The following MLLT3 variants were observed in gnomAD, a reference collection of about 807,000 sequenced individuals.
MLLT3 encodes MLLT3 super elongation complex subunit.
In MLLT3, 4 loss-of-function variants were observed where a neutral mutation model predicts 53.2. The ratio of observed to expected loss-of-function variants is 0.08; its 90% CI spans 0.04 to 0.17. The LOEUF is 0.17. Among genes scored for constraint, MLLT3 ranks in the 10% least tolerant of loss-of-function variants. The probability of loss-of-function intolerance (pLI) is 1.00; values close to 1 mark genes in which losing one functional copy is unlikely to be tolerated. For missense variants in MLLT3, 569 were observed against 684.0 expected (o/e 0.83, Z 1.87); for synonymous variants, 283 against 230.6 (o/e 1.23, Z -2.06).
intron 2 of MLLT3, among the ~76,000 whole-genome samples, chr9:20,560,116 A>G (rs546945367): frequency 6.6e-6 from 1 of 152,296 alleles, no homozygotes; most frequent in South Asian, 2.1e-4. Flanking sequence ...TGAAGTTGAC[A>G]TAGAAATTCA....
At chr9:20,585,070 T>C (rs1033196664) in intron 2 of MLLT3, among the ~76,000 whole-genome samples, 11 of 152,176 alleles carry the variant, frequency 7.2e-5, no homozygotes, top group African/African-American at 2.7e-4. Context: ...TCTGTTCAGG[T>C]TGCCTTAACA....
chr9:20,616,250 G>C (rs1016499986), intron 2 of MLLT3, among the ~76,000 whole-genome samples: 1 of 151,982 alleles, frequency 6.6e-6, no homozygotes, highest in Non-Finnish European at 1.5e-5. Context: ...ACCATACAAG[G>C]AGTCTCTTAA....
intron 2 of MLLT3, among the ~76,000 whole-genome samples, chr9:20,492,336 G>A (rs1297930594): frequency 6.6e-6 from 1 of 151,906 alleles, no homozygotes; most frequent in Non-Finnish European, 1.5e-5. Context: ...GAATGGGCTA[G>A]AAAAAGAACT....
intron 10 of MLLT3, among the ~76,000 whole-genome samples, chr9:20,351,304 C>G (rs191889407): frequency 1.3e-5 from 2 of 152,338 alleles, no homozygotes; most frequent in East Asian, 1.9e-4. Context: ...TGGTTTCCCA[C>G]AGAGTTTTCT....
chr9:20,555,166 CT>C (rs1312076888), intron 2 of MLLT3, among the ~76,000 whole-genome samples: 1 of 152,170 alleles, frequency 6.6e-6, no homozygotes, highest in East Asian at 1.9e-4. Flanking sequence ...AGCACTCCTC[CT>C]GAAGGTCATC....
intron 2 of MLLT3, among the ~76,000 whole-genome samples, chr9:20,539,882 G>C (rs1283627259): frequency 6.6e-6 from 1 of 152,150 alleles, no homozygotes; most frequent in Non-Finnish European, 1.5e-5. Flanking sequence ...CATAAGGAAG[G>C]TCCCTTCCAT....
rs890667333 is a variant in MLLT3, at chr9:20,481,562, A to G, written c.194-24776T>C. On this transcript the variant is annotated intron_variant, in intron 2 of 10. Transcript: ENST00000380338. ...CTAGAACCAACACCTCTCAGATACA[A>G]AGAGACAACTGTGACTGAGGAACCT... Among the ~76,000 whole-genome samples, 4 of 152,226 alleles carry G rather than the reference A, an allele frequency of 2.6e-5. No homozygotes were observed. The South Asian group carries it at 8.3e-4, about 32-fold the overall frequency.
chr9:20,603,002 T>A (rs1201722369), intron 2 of MLLT3, among the ~76,000 whole-genome samples: 1 of 152,036 alleles, frequency 6.6e-6, no homozygotes, highest in Non-Finnish European at 1.5e-5. Context: ...TATGATATAG[T>A]CTCCCTCTAT....
rs937950979 is a variant in MLLT3 at position 20,589,983 on chromosome 9, A to G, written c.193+30671T>C. Among the ~76,000 whole-genome samples the G allele has an allele frequency of 6.6e-5, 10 of 152,338 alleles. No homozygotes were observed. The South Asian group carries it at 1.9e-3, about 28-fold the overall frequency. On this transcript the variant is annotated intron_variant, in intron 2 of 10. Coordinates refer to ENST00000380338, the MANE Select transcript of MLLT3 (RefSeq NM_004529.4). ...CTCGGCCTCCCAAAGTGCTGGGATTACAGCCCGACCTAACTGGTGATTTGT... is the reference window on the plus strand; with the variant it reads ...CTCGGCCTCCCAAAGTGCTGGGATTGCAGCCCGACCTAACTGGTGATTTGT...
At position 20,515,748 on chromosome 9, in the gene MLLT3, G is replaced by A. The variant is rs116522629; in HGVS notation, c.194-58962C>T. 5.9e-3 allele frequency among the ~76,000 whole-genome samples: 905 copies of A among 152,246 alleles called. 6 individuals carry two copies. The highest frequency in any genetic ancestry group is 0.02 in the African/African-American group (813 of 41,526). ...CATAGTAAGTGGCCACCTCTACTATGGTTGCCATCAGCCGGAGTCATAACA... is the reference window on the plus strand; with the variant it reads ...CATAGTAAGTGGCCACCTCTACTATAGTTGCCATCAGCCGGAGTCATAACA... On this transcript the variant is annotated intron_variant, in intron 2 of 10. Transcript: ENST00000380338.
chr9:20,499,877 C>T (rs548458589), intron 2 of MLLT3, among the ~76,000 whole-genome samples: 1 of 151,280 alleles, frequency 6.6e-6, no homozygotes, highest in East Asian at 1.9e-4. Flanking sequence ...CCAGCCTGGA[C>T]ATCATAGCAA....
intron 5 of MLLT3, among the ~76,000 whole-genome samples, chr9:20,370,967 C>A (rs2118667817): frequency 6.6e-6 from 1 of 152,262 alleles, no homozygotes; most frequent in South Asian, 2.1e-4. Context: ...AAGTGCTACT[C>A]CAGTGAACTC....
In MLLT3 at chr9:20,362,033, G is replaced by C. The variant is rs558504260; in HGVS notation, c.1332-1192C>G. Reference sequence around the variant, plus strand: ...TACATTAATGAAGTGTTCAGTTGAAGTGCTGTTTTAAAATGTGTCTTGAGT... The same window carrying C: ...TACATTAATGAAGTGTTCAGTTGAACTGCTGTTTTAAAATGTGTCTTGAGT... On this transcript the variant is annotated intron_variant, in intron 7 of 10. Transcript: ENST00000380338. Among the ~76,000 whole-genome samples, 6 of 152,330 alleles carry C rather than the reference G, an allele frequency of 3.9e-5. No individual in the cohort carries two copies. In the South Asian group the frequency reaches 8.3e-4, roughly 21 times the overall value.
intron 10 of MLLT3, among the ~76,000 whole-genome samples, chr9:20,351,599 G>C (rs1821031718): frequency 6.6e-6 from 1 of 152,160 alleles, no homozygotes; most frequent in African/African-American, 2.4e-5. Context: ...GGAAAACAAA[G>C]TTATTAACCG....
intron 2 of MLLT3, among the ~76,000 whole-genome samples, chr9:20,520,910 G>A (rs947139996): frequency 2.0e-5 from 3 of 152,202 alleles, no homozygotes; most frequent in African/African-American, 7.2e-5. Flanking sequence ...AAGACTAAGA[G>A]TGGGAGAAGC....
Position 20,365,685 on chromosome 9 carries a change from G to A in MLLT3, c.1185C>T (p.Ser395=). The change falls in exon 6 of 11, where the codon TCC becomes TCT. Residue 395 remains serine, a synonymous_variant. Coordinates refer to ENST00000380338, the MANE Select transcript of MLLT3 (RefSeq NM_004529.4). ...SSSSSSSFTP[S]QTRQQGPLRS... is the part of the protein sequence containing the mutation. ...TGTTGATACCTTGTTGCCTGGTCTG[G>A]GATGGTGTGAAGCTGGAGCTGGAGC... The A allele has an allele frequency of 6.2e-7, 1 of 1,614,148 alleles. No individual in the cohort carries two copies. The highest frequency in any genetic ancestry group is 8.5e-7 in the Non-Finnish European group (1 of 1,180,028).
At position 20,395,628 on chromosome 9, in the gene MLLT3, C is replaced by T. The variant is rs577017675; in HGVS notation, c.1125+18093G>A. 2.6e-5 allele frequency among the ~76,000 whole-genome samples: 4 copies of T among 152,262 alleles called. 1 individual carries two copies. Among genetic ancestry groups the T allele is most frequent in the African/African-American group, 4.8e-5 (2 of 41,550 alleles). ...AAACTCATCAGAAAAAACTTGGCAT[C>T]TTTCTCCCTGGATAGATATTTGGCA... On this transcript the variant is annotated intron_variant, in intron 5 of 10. Transcript: ENST00000380338.
chr9:20,586,258 T>C (rs1270099540), intron 2 of MLLT3, among the ~76,000 whole-genome samples: 1 of 151,886 alleles, frequency 6.6e-6, no homozygotes, highest in Non-Finnish European at 1.5e-5. Context: ...TGGTCAAGGC[T>C]GCAGTGAACC....
At chr9:20,413,073 C>G (rs988470316) in intron 5 of MLLT3, among the ~76,000 whole-genome samples, 1 of 152,154 alleles carries the variant, frequency 6.6e-6, no homozygotes, top group Non-Finnish European at 1.5e-5. Context: ...TCACATACCC[C>G]ACCCCTTCCA....
Sources: allele counts gnomAD v4.1 joint callset (sites outside exome capture counted in the v4.1 genomes callset), GRCh38; gene constraint gnomAD v4.1.1; transcripts MANE v1.5; gene names NCBI Gene and HGNC (gene_info 2026-07-23, HGNC 2026-07-21).